Variants in FCER1A observed in about 807,000 individuals in gnomAD.
The protein encoded by FCER1A is high affinity immunoglobulin epsilon receptor subunit alpha.
In FCER1A, 24 loss-of-function variants were observed where a neutral mutation model predicts 23.6. The observed-to-expected ratio is 1.02, with a 90% CI of 0.74 to 1.43. The LOEUF (loss-of-function observed/expected upper bound fraction) is 1.43, where lower values mean the gene tolerates loss of function less well. Among genes scored for constraint, FCER1A ranks in the 40% most tolerant of loss-of-function variants. The pLI is 0.00. For synonymous variants in FCER1A, 121 were observed against 108.8 expected (o/e 1.11, Z -0.70); for missense variants, 318 against 294.5 (o/e 1.08, Z -0.58).
chr1:159,292,540 A>G (rs189907749), intron 1 of FCER1A, among the ~76,000 whole-genome samples: 5 of 152,160 alleles, frequency 3.3e-5, no homozygotes, highest in Admixed American at 3.3e-4. Flanking sequence ...TCTCTAGACT[A>G]TCTATCATCA....
At chr1:159,299,108 C>G (rs1652365715), upstream of FCER1A, among the ~76,000 whole-genome samples, 1 of 152,168 alleles carries the variant, frequency 6.6e-6, no homozygotes, top group Admixed American at 6.5e-5. Context: ...TTTCCTTATT[C>G]TTAACTACAT....
chr1:159,288,086 A>G (rs936121185), upstream of FCER1A, among the ~76,000 whole-genome samples: 1 of 152,172 alleles, frequency 6.6e-6, no homozygotes, highest in Non-Finnish European at 1.5e-5. Flanking sequence ...GTAATATGGG[A>G]GCAATAAGTA....
chr1:159,302,725 TGATTCCTGA>T, intron 1 of FCER1A, 120 bp from the exon 2 acceptor site: 1 of 861,530 alleles, frequency 1.2e-6, no homozygotes. Context: ...CCCCTGATTC[TGATTCCTGA>T]AAAGACGGTT....
intron 2 of FCER1A, 92 bp downstream of exon 2, chr1:159,302,966 C>G: frequency 8.2e-7 from 1 of 1,217,032 alleles, no homozygotes. Flanking sequence ...CTTCTGCTTT[C>G]TAATGAGCAT....
chr1:159,293,775 T>C (rs1481813038), intron 1 of FCER1A, among the ~76,000 whole-genome samples: 1 of 152,054 alleles, frequency 6.6e-6, no homozygotes, highest in Non-Finnish European at 1.5e-5. Flanking sequence ...TGCCACATTT[T>C]CTTAATCCAG....
chr1:159,290,855 G>T lies in FCER1A; in HGVS notation c.-60+1102G>T, dbSNP rs79354020. Among the ~76,000 whole-genome samples, 1,046 of 113,558 alleles carry T rather than the reference G, an allele frequency of 9.2e-3. 11 individuals are homozygous for T. Among genetic ancestry groups the T allele is most frequent in the Non-Finnish European group, 0.012 (690 of 56,320 alleles). The allele number at this position is 113,558 out of a possible 152,430, so 74.5% of individuals were successfully genotyped here. ...AAATCAAGTTTTTAATAAAGTCATTGTGGTTTGGATGAACTCCCTTCTGCA... is the reference window on the plus strand; with the variant it reads ...AAATCAAGTTTTTAATAAAGTCATTTTGGTTTGGATGAACTCCCTTCTGCA... On this transcript the variant is annotated intron_variant, in intron 1 of 5. Coordinates refer to the FCER1A transcript ENST00000368115.
chr1:159,287,495 GA>G (rs1652048306), upstream of FCER1A, among the ~76,000 whole-genome samples: 1 of 151,992 alleles, frequency 6.6e-6, no homozygotes, highest in African/African-American at 2.4e-5. Flanking sequence ...ATATGTCCTG[GA>G]TGCTGGTTTT....
intron 2 of FCER1A, 127 bp from the exon 3 acceptor site, chr1:159,303,801 C>T (rs377290382): frequency 2.8e-6 from 2 of 719,102 alleles, no homozygotes; most frequent in East Asian, 5.4e-5. Context: ...GTCTTATCAC[C>T]AACAGAATAA....
chr1:159,291,056 C>T (rs1453050987), intron 1 of FCER1A, among the ~76,000 whole-genome samples: 1 of 147,726 alleles, frequency 6.8e-6, no homozygotes, highest in Non-Finnish European at 1.5e-5. Context: ...TTGGTTGAAA[C>T]AAGATTTTTT....
Position 159,306,220 on chromosome 1 carries a change from G to A in FCER1A, c.564G>A (p.Glu188=), listed in dbSNP as rs746111752. The change falls in exon 4 of 5, where the codon GAG becomes GAA. Residue 188 remains glutamate, a synonymous_variant. Coordinates refer to ENST00000693622, the MANE Select transcript of FCER1A (RefSeq NM_001387280.1). The stretch of plus-strand genomic sequence containing the variant: ...TGTGGCAGCTGGACTATGAGTCTGA[G>A]CCCCTCAACATTACTGTAATAAAAG... ...GKVWQLDYES[E]PLNITVIKAP... 1 of 1,613,996 alleles carries A rather than the reference G, an allele frequency of 6.2e-7. No homozygotes were observed. The highest frequency in any genetic ancestry group is 1.7e-5 in the Admixed American group (1 of 60,022).
chr1:159,293,392 T>A (rs1188342394), intron 1 of FCER1A, among the ~76,000 whole-genome samples: 12 of 152,042 alleles, frequency 7.9e-5, no homozygotes, highest in Admixed American at 4.6e-4. Context: ...TTCTTTTTTT[T>A]AAATTTTATT....
At chr1:159,300,848 ACAGGTAACCTT>A (rs1466394938), upstream of FCER1A, among the ~76,000 whole-genome samples, 1 of 152,124 alleles carries the variant, frequency 6.6e-6, no homozygotes, top group Non-Finnish European at 1.5e-5. Flanking sequence ...TCCCTATTAT[ACAGGTAACCTT>A]CAATCACATA....
At chr1:159,302,741 G>C in intron 1 of FCER1A, 113 bp from the exon 2 acceptor site, 1 of 936,944 alleles carries the variant, frequency 1.1e-6, no homozygotes, top group Non-Finnish European at 1.8e-6. Flanking sequence ...CTGAAAAGAC[G>C]GTTGGTCCTT....
upstream of FCER1A, among the ~76,000 whole-genome samples, chr1:159,285,147 G>A (rs1651983945): frequency 6.6e-6 from 1 of 152,150 alleles, no homozygotes; most frequent in Non-Finnish European, 1.5e-5. Context: ...TGTTTAGCAG[G>A]ATCACTGGCC....
intron 1 of FCER1A, 85 bp downstream of exon 1, chr1:159,302,504 T>A (rs1652465254): frequency 2.1e-6 from 2 of 953,784 alleles, no homozygotes; most frequent in Non-Finnish European, 3.5e-6. Flanking sequence ...CTGTGGGTGG[T>A]GACTTTTTCT....
At chr1:159,287,430 C>T (rs568494510), upstream of FCER1A, among the ~76,000 whole-genome samples, 2 of 152,064 alleles carry the variant, frequency 1.3e-5, no homozygotes, top group South Asian at 4.2e-4. Flanking sequence ...GGCAGGCCAT[C>T]GGTCATAAAA....
At chr1:159,303,756 T>C (rs1652511782) in intron 2 of FCER1A, among the ~76,000 whole-genome samples, 172 bp from the exon 3 acceptor site, 1 of 152,196 alleles carries the variant, frequency 6.6e-6, no homozygotes, top group African/African-American at 2.4e-5. Context: ...GGGGCACCAA[T>C]ACTAATTTCT....
upstream of FCER1A, among the ~76,000 whole-genome samples, chr1:159,297,800 G>A (rs1269646915): frequency 6.6e-6 from 1 of 151,942 alleles, no homozygotes; most frequent in African/African-American, 2.4e-5. Flanking sequence ...AGCTTCTTGG[G>A]AGGATGAGGT....
At chr1:159,290,413 T>C (rs1212613685) in intron 1 of FCER1A, among the ~76,000 whole-genome samples, 1 of 151,972 alleles carries the variant, frequency 6.6e-6, no homozygotes, top group African/African-American at 2.4e-5. Flanking sequence ...TCTCCATCAG[T>C]ACCCTAGCAG....
Sources: allele counts gnomAD v4.1 joint callset (sites outside exome capture counted in the v4.1 genomes callset), GRCh38; gene constraint gnomAD v4.1.1; transcripts MANE v1.5; gene names NCBI Gene and HGNC (gene_info 2026-07-23, HGNC 2026-07-21).